ITGA11: variants seen among roughly 807,000 people sequenced by gnomAD.
The protein encoded by ITGA11 is integrin subunit alpha 11, also known as integrin alpha-11.
Under a neutral mutation model 141.9 loss-of-function variants are expected in ITGA11, and 97 were observed. The observed-to-expected ratio is 0.68, with a 90% CI of 0.58 to 0.81. ITGA11 has a LOEUF of 0.81. ITGA11 is among the 30% of genes least tolerant of loss of function. ITGA11 has a pLI of 0.00. For missense variants in ITGA11, 1,387 were observed against 1,559.2 expected, an observed-to-expected ratio of 0.89 and a Z score of 1.86; for synonymous variants, 658 against 624.6, an observed-to-expected ratio of 1.05 and a Z score of -0.80.
At position 68,305,389 on chromosome 15, in the gene ITGA11, G is replaced by A. The variant is rs1000495240; in HGVS notation, c.3382-1504C>T. ...GTAGCCCTTATCACCAGTTGATAAC[G>A]TTTATATTTATGTTTATTGCCTGCC... On this transcript the variant is annotated intron_variant, in intron 28 of 29. Transcript: ENST00000315757. The surrounding 1 kb of genome is among the most constrained non-coding windows in gnomAD (Gnocchi z 4.6). Among the ~76,000 whole-genome samples, 2 of 152,166 alleles carry A rather than the reference G, an allele frequency of 1.3e-5. No individual in the cohort carries two copies. Among genetic ancestry groups the A allele is most frequent in the Non-Finnish European group, 2.9e-5 (2 of 68,028 alleles).
At chr15:68,353,302 C>T (rs1226213097) in intron 7 of ITGA11, among the ~76,000 whole-genome samples, 1 of 152,170 alleles carries the variant, frequency 6.6e-6, no homozygotes, top group Non-Finnish European at 1.5e-5. Flanking sequence ...CCTTAAAAAA[C>T]CCACTAATTT....
intron 1 of ITGA11, among the ~76,000 whole-genome samples, chr15:68,411,752 C>T (rs1338791875): frequency 1.3e-5 from 2 of 152,168 alleles, no homozygotes; most frequent in Non-Finnish European, 2.9e-5. Context: ...AGTATATTTC[C>T]CCCAACCTTG....
chr15:68,303,041 A>G lies in ITGA11; in HGVS notation c.*18T>C. On this transcript the variant is annotated 3_prime_UTR_variant, in exon 30 of 30. Coordinates refer to ENST00000315757, the MANE Select transcript of ITGA11 (RefSeq NM_001004439.2). This position sits in a 1 kb window ranked among gnomAD's most constrained non-coding sequence, Gnocchi z 5.3. ...CTGGTGTCCTGGCCCCCATCAACTC[A>G]AAGTCTCCTCTGGAGCCTCACTCCA... is the stretch of plus-strand genomic sequence containing the variant. 6.5e-7 allele frequency: 1 copy of G among 1,544,960 alleles called. No individual in the cohort carries two copies. The highest frequency in any genetic ancestry group is 1.4e-5 in the African/African-American group (1 of 72,872).
intron 4 of ITGA11, 33 bp downstream of exon 4, chr15:68,364,670 CCTCT>C: frequency 1.4e-6 from 2 of 1,445,042 alleles, no homozygotes; most frequent in Non-Finnish European, 1.9e-6. Flanking sequence ...CCCACCCCTG[CCTCT>C]CCTGACCCCA....
intron 1 of ITGA11, among the ~76,000 whole-genome samples, chr15:68,422,286 G>A (rs1011213095): frequency 3.9e-5 from 6 of 152,090 alleles, no homozygotes; most frequent in East Asian, 1.9e-4. Context: ...CAAAGTCAAC[G>A]TTCAGGCCTG....
At position 68,302,821 on chromosome 15, in the gene ITGA11, T is replaced by G. The variant is rs1893074862; in HGVS notation, c.*238A>C. On this transcript the variant is annotated 3_prime_UTR_variant, in exon 30 of 30. Coordinates refer to ENST00000315757, the MANE Select transcript of ITGA11 (RefSeq NM_001004439.2). ...GCCTGGGTGTGTGTAGGGGTGTCCC[T>G]TTAAATCCCTAGGGGTCTGTGTTAA... The G allele has an allele frequency of 7.9e-6, 4 of 509,250 alleles. No homozygotes were observed. In the South Asian group the frequency reaches 1.1e-4, roughly 15 times the overall value. 31.5% of individuals were successfully genotyped at this position (509,250 alleles called of 1,614,324 possible).
At chr15:68,350,478 C>T in intron 9 of ITGA11, 139 bp downstream of exon 9, 1 of 794,218 alleles carries the variant, frequency 1.3e-6, no homozygotes, top group South Asian at 2.2e-5. Flanking sequence ...GCGTGAGTCA[C>T]CATGCCTGGC....
At chr15:68,339,929 G>A (rs1894507674) in intron 10 of ITGA11, among the ~76,000 whole-genome samples, 1 of 152,126 alleles carries the variant, frequency 6.6e-6, no homozygotes, top group African/African-American at 2.4e-5. Context: ...TAAATCCAGG[G>A]CCAAACCTCC....
chr15:68,430,132 T>A (rs1897235813), intron 1 of ITGA11, among the ~76,000 whole-genome samples: 1 of 152,236 alleles, frequency 6.6e-6, no homozygotes, highest in Admixed American at 6.5e-5. Flanking sequence ...ATTTCAAGAA[T>A]GCAACTGACC....
At chr15:68,389,162 C>T (rs576705197) in intron 2 of ITGA11, among the ~76,000 whole-genome samples, 14 of 152,322 alleles carry the variant, frequency 9.2e-5, no homozygotes, top group South Asian at 4.1e-4. Flanking sequence ...CTTCACAATC[C>T]GCTCTCAATT....
At position 68,358,421 on chromosome 15, in the gene ITGA11, C is replaced by T; in HGVS notation, c.600+37G>A. ...AGCACCTGCCATGGGTTTGGGTGGC[C>T]CTGTTCAGAAGTGGAAAGAGCCCAA... On this transcript the variant is annotated intron_variant, in intron 6 of 29. Transcript: ENST00000315757. 5 of 1,572,502 alleles carry T rather than the reference C, an allele frequency of 3.2e-6. No individual in the cohort carries two copies. The South Asian group carries it at 6.1e-5, about 19-fold the overall frequency.
chr15:68,347,437 T>G (rs1480370262), intron 10 of ITGA11, among the ~76,000 whole-genome samples: 2 of 152,254 alleles, frequency 1.3e-5, no homozygotes, highest in Admixed American at 1.3e-4. Flanking sequence ...TTTAAACCGC[T>G]GTGCACATGT....
At chr15:68,368,723 A>C (rs1312171808) in intron 3 of ITGA11, among the ~76,000 whole-genome samples, 1 of 152,202 alleles carries the variant, frequency 6.6e-6, no homozygotes, top group African/African-American at 2.4e-5. Flanking sequence ...CTATCTGTTA[A>C]ATGGTTAAAT....
chr15:68,432,141 G>T lies in ITGA11; in HGVS notation c.-75C>A, dbSNP rs1468159782. On this transcript the variant is annotated 5_prime_UTR_variant, in exon 1 of 30. Coordinates refer to ENST00000315757, the MANE Select transcript of ITGA11 (RefSeq NM_001004439.2). Reference sequence around the variant, plus strand: ...GCAAGCCAGAGCGGCAGCCTCCTCGGCGCGGCGCCTGCAGCCTGCACTGCG... The same window carrying T: ...GCAAGCCAGAGCGGCAGCCTCCTCGTCGCGGCGCCTGCAGCCTGCACTGCG... 1.7e-6 allele frequency: 2 copies of T among 1,160,414 alleles called. No individual in the cohort carries two copies. Among genetic ancestry groups the T allele is most frequent in the Admixed American group, 4.2e-5 (1 of 23,562 alleles). The allele number at this position is 1,160,414 out of a possible 1,614,324, so 71.9% of individuals were successfully genotyped here.
chr15:68,401,434 T>G lies in ITGA11; in HGVS notation c.164+1484A>C, dbSNP rs185969858. Among the ~76,000 whole-genome samples, 479 of 152,222 alleles carry G rather than the reference T, an allele frequency of 3.1e-3. 7 individuals are homozygous for G. Among genetic ancestry groups the G allele is most frequent in the African/African-American group, 0.011 (448 of 41,512 alleles). On this transcript the variant is annotated intron_variant, in intron 2 of 29. Transcript: ENST00000315757. ...ATGCCAATAGCAGCGTTATTTGAAATAGCCCAAAATGGAAACAATCCAAAT... is the reference window on the plus strand; with the variant it reads ...ATGCCAATAGCAGCGTTATTTGAAAGAGCCCAAAATGGAAACAATCCAAAT...
chr15:68,419,257 G>T (rs1896961677), intron 1 of ITGA11, among the ~76,000 whole-genome samples: 1 of 152,142 alleles, frequency 6.6e-6, no homozygotes, highest in Non-Finnish European at 1.5e-5. Flanking sequence ...ATTTTTCATG[G>T]TTGCAAAACG....
At chr15:68,320,091 TC>T in intron 20 of ITGA11, 93 bp downstream of exon 20, 1 of 1,080,778 alleles carries the variant, frequency 9.3e-7, no homozygotes. Flanking sequence ...CATCCAGCTT[TC>T]TTGTGATTCC....
rs1422496688 is a variant in ITGA11 at position 68,324,312 on chromosome 15, GAAT to G, written c.2322+816_2322+818del. Among the ~76,000 whole-genome samples the G allele has an allele frequency of 6.6e-6, 1 of 152,142 alleles. No homozygotes were observed. The highest frequency in any genetic ancestry group is 1.5e-5 in the Non-Finnish European group (1 of 68,028). ...GTTGAAGAAATGCAGGTAAGAACTT[GAAT>G]AATTCTGAAACTGCTTCCTGGCTGG... On this transcript the variant is annotated intron_variant, in intron 18 of 29. Coordinates refer to ENST00000315757, the MANE Select transcript of ITGA11 (RefSeq NM_001004439.2). The surrounding 1 kb of genome is among the most constrained non-coding windows in gnomAD (Gnocchi z 6.3).
intron 3 of ITGA11, among the ~76,000 whole-genome samples, chr15:68,368,365 G>A (rs57057855): frequency 0.071 from 10,779 of 152,304 alleles, 698 homozygotes; most frequent in African/African-American, 0.17. Flanking sequence ...AGCAAGCAAT[G>A]ACCCAGCTGC....
Sources: gnomAD v4.1 joint callset for allele counts (sites outside exome capture counted in the v4.1 genomes callset) on GRCh38, gnomAD v4.1.1 for gene constraint, Gnocchi (gnomAD v3.1) non-coding constraint, MANE v1.5 for transcripts, NCBI Gene and HGNC (gene_info 2026-07-23, HGNC 2026-07-21) for gene names.